IL1RAPL1: variants seen among roughly 807,000 people sequenced by gnomAD.
IL1RAPL1 encodes the protein interleukin 1 receptor accessory protein like 1.
In IL1RAPL1, 3 loss-of-function variants were observed where a neutral mutation model predicts 48.4. The ratio of observed to expected loss-of-function variants is 0.06; its 90% CI spans 0.03 to 0.16. The LOEUF (loss-of-function observed/expected upper bound fraction) is 0.16. Among genes scored for constraint, IL1RAPL1 ranks in the 10% least tolerant of loss-of-function variants. IL1RAPL1 has a pLI of 1.00. For synonymous variants in IL1RAPL1, 185 were observed against 187.7 expected (o/e 0.99, Z 0.12); for missense variants, 349 against 530.6 (o/e 0.66, Z 3.36).
At chrX:29,698,045 C>G (rs1353383816) in intron 6 of IL1RAPL1, among the ~76,000 whole-genome samples, 1 of 111,196 alleles carries the variant, frequency 9.0e-6, no homozygotes, top group Non-Finnish European at 1.9e-5. Flanking sequence ...CCCTCTCCTC[C>G]CCTCATCTTT....
At position 28,628,656 on chromosome X, in the gene IL1RAPL1, G is replaced by A. The variant is rs965851562; in HGVS notation, c.-25+40609G>A. 2.7e-5 allele frequency among the ~76,000 whole-genome samples: 3 copies of A among 112,136 alleles called. No individual in the cohort carries two copies. The Admixed American group carries it at 2.8e-4, about 11-fold the overall frequency. On this transcript the variant is annotated intron_variant, in intron 1 of 10. Transcript: ENST00000378993. Reference sequence around the variant, plus strand: ...ATTTTTATTCTTCCAAGCATCAACTGTAGTCTTGTTTTCACCAGATGAAAG... The same window carrying A: ...ATTTTTATTCTTCCAAGCATCAACTATAGTCTTGTTTTCACCAGATGAAAG...
At chrX:28,999,356 T>G (rs1019889778) in intron 2 of IL1RAPL1, among the ~76,000 whole-genome samples, 5 of 111,673 alleles carry the variant, frequency 4.5e-5, no homozygotes, top group African/African-American at 1.6e-4. Context: ...ACTGATTTCT[T>G]TGTCAGAATA....
intron 8 of IL1RAPL1, among the ~76,000 whole-genome samples, chrX:29,921,943 C>G (rs1316622391): frequency 9.0e-6 from 1 of 111,687 alleles, no homozygotes; most frequent in Non-Finnish European, 1.9e-5. Flanking sequence ...TTTTACCATT[C>G]TGGTCACTCT....
At chrX:29,354,579 T>C (rs1425695627) in intron 3 of IL1RAPL1, among the ~76,000 whole-genome samples, 1 of 112,203 alleles carries the variant, frequency 8.9e-6, no homozygotes, top group Non-Finnish European at 1.9e-5. Flanking sequence ...GACTGGGAAC[T>C]ATGTCTCACT....
intron 3 of IL1RAPL1, among the ~76,000 whole-genome samples, chrX:29,306,913 A>G (rs1028580410): frequency 2.2e-4 from 24 of 109,116 alleles, no homozygotes; most frequent in African/African-American, 7.7e-4. Context: ...ATAAATGTGA[A>G]CTTGTTATCT....
At chrX:28,924,994 C>A (rs1401776144) in intron 2 of IL1RAPL1, among the ~76,000 whole-genome samples, 2 of 111,468 alleles carry the variant, frequency 1.8e-5, no homozygotes, top group African/African-American at 6.5e-5. Flanking sequence ...TTTTCGTATA[C>A]CACCTGTTGA....
At chrX:29,081,020 CTTTCTTTTCTTT>C (rs1927821731) in intron 2 of IL1RAPL1, among the ~76,000 whole-genome samples, 7 of 41,912 alleles carry the variant, frequency 1.7e-4, no homozygotes, top group African/African-American at 2.7e-4. Flanking sequence ...CTCTCTCTCT[CTTTCTTTTCTTT>C]TCTTTTCTTT....
intron 5 of IL1RAPL1, among the ~76,000 whole-genome samples, chrX:29,579,438 T>A (rs1199586382): frequency 9.0e-6 from 1 of 111,619 alleles, no homozygotes; most frequent in African/African-American, 3.3e-5. Context: ...ATTATGAGAA[T>A]TGAACTTTGA....
At chrX:28,904,676 T>C (rs949588232) in intron 2 of IL1RAPL1, among the ~76,000 whole-genome samples, 5 of 112,275 alleles carry the variant, frequency 4.5e-5, no homozygotes, top group Non-Finnish European at 9.4e-5. Flanking sequence ...TTTCTACAAA[T>C]TTGTGATTCC....
chrX:28,722,665 A>C (rs1454550066), intron 1 of IL1RAPL1, among the ~76,000 whole-genome samples: 2 of 111,459 alleles, frequency 1.8e-5, no homozygotes, highest in Admixed American at 9.6e-5. Context: ...TCCCTGTCTT[A>C]TGCCAGTTTT....
At chrX:29,334,948 G>C (rs1449093646) in intron 3 of IL1RAPL1, among the ~76,000 whole-genome samples, 5 of 112,760 alleles carry the variant, frequency 4.4e-5, no homozygotes, top group Non-Finnish European at 7.5e-5. Context: ...AGGTTGTAGC[G>C]AGCCGAGATC....
At chrX:29,008,305 G>T (rs977266844) in intron 2 of IL1RAPL1, among the ~76,000 whole-genome samples, 2 of 104,818 alleles carry the variant, frequency 1.9e-5, no homozygotes, top group Non-Finnish European at 3.9e-5. Flanking sequence ...GAGTAGGGTA[G>T]CTGGGACTAC....
chrX:29,501,404 C>G (rs1360987765), intron 5 of IL1RAPL1, among the ~76,000 whole-genome samples: 5 of 111,285 alleles, frequency 4.5e-5, no homozygotes, highest in African/African-American at 1.6e-4. Context: ...TGGAGCATTT[C>G]CCCAATGATT....
intron 3 of IL1RAPL1, among the ~76,000 whole-genome samples, chrX:29,309,923 G>A (rs1404611578): frequency 9.5e-6 from 1 of 104,986 alleles, no homozygotes; most frequent in Non-Finnish European, 1.9e-5. Context: ...GTGAAACCCT[G>A]TCTCTACTAA....
At chrX:28,900,572 ATAAC>A (rs751368555) in intron 2 of IL1RAPL1, among the ~76,000 whole-genome samples, 4 of 112,364 alleles carry the variant, frequency 3.6e-5, no homozygotes, top group East Asian at 2.8e-4. Context: ...TTTACATAGA[ATAAC>A]TAATAAGAAA....
chrX:29,028,439 CACCATGCCCAGCT>C (rs1421035173), intron 2 of IL1RAPL1, among the ~76,000 whole-genome samples: 1 of 109,222 alleles, frequency 9.2e-6, no homozygotes, highest in East Asian at 2.9e-4. Context: ...AGGCACACGC[CACCATGCCCAGCT>C]AATTTTTGTA....
At chrX:28,905,124 G>A (rs1393639097) in intron 2 of IL1RAPL1, among the ~76,000 whole-genome samples, 1 of 110,748 alleles carries the variant, frequency 9.0e-6, no homozygotes, top group Admixed American at 9.7e-5. Context: ...TTATTAAAAT[G>A]CAGTAGATTT....
intron 5 of IL1RAPL1, among the ~76,000 whole-genome samples, chrX:29,489,838 A>G (rs955407824): frequency 5.4e-5 from 6 of 111,949 alleles, no homozygotes; most frequent in Non-Finnish European, 1.1e-4. Flanking sequence ...CATTAGGCCA[A>G]TGGTTTCTTA....
intron 2 of IL1RAPL1, among the ~76,000 whole-genome samples, chrX:28,955,898 T>G (rs1206615612): frequency 1.3e-5 from 1 of 74,336 alleles, no homozygotes. Flanking sequence ...TTCCTACCCA[T>G]GAGCATGGAA....
Sources: gnomAD v4.1 joint callset for allele counts (sites outside exome capture counted in the v4.1 genomes callset) on GRCh38, gnomAD v4.1.1 for gene constraint, MANE v1.5 for transcripts, NCBI Gene and HGNC (gene_info 2026-07-23, HGNC 2026-07-21) for gene names.